The following NEK7 variants were observed in gnomAD, a reference collection of about 807,000 sequenced individuals.
NEK7 encodes NIMA related kinase 7.
Under a neutral mutation model 44.6 loss-of-function variants are expected in NEK7, and 18 were observed. The observed-to-expected ratio is 0.40, with a 90% CI of 0.28 to 0.60. The LOEUF (loss-of-function observed/expected upper bound fraction) is 0.60, where lower values mean the gene tolerates loss of function less well. Ranked by LOEUF, NEK7 falls within the 20% of genes least tolerant of loss-of-function variation. The pLI is 0.38. For missense variants in NEK7, 256 were observed against 366.5 expected (o/e 0.70, Z 2.46); for synonymous variants, 130 against 121.1 (o/e 1.07, Z -0.48).
At position 198,257,308 on chromosome 1, in the gene NEK7, T is replaced by C. The variant is rs115349340; in HGVS notation, c.198+4128T>C. On this transcript the variant is annotated intron_variant, in intron 3 of 9. Transcript: ENST00000367385. Reference sequence around the variant, plus strand: ...AATGCTTACCTTTTATTTACTTATGTTTGTTAGTTGCTTTAAAGTATTTTT... The same window carrying C: ...AATGCTTACCTTTTATTTACTTATGCTTGTTAGTTGCTTTAAAGTATTTTT... 3.9e-3 allele frequency among the ~76,000 whole-genome samples: 601 copies of C among 152,322 alleles called. 3 individuals are homozygous for C. Among genetic ancestry groups the C allele is most frequent in the African/African-American group, 0.01 (426 of 41,588 alleles).
chr1:198,213,648 G>A (rs1407758885), intron 1 of NEK7, among the ~76,000 whole-genome samples: 1 of 152,154 alleles, frequency 6.6e-6, no homozygotes, highest in African/African-American at 2.4e-5. Context: ...GATCTCAATA[G>A]CCAGAATACT....
intron 1 of NEK7, among the ~76,000 whole-genome samples, chr1:198,228,578 C>A (rs1209469611): frequency 1.3e-5 from 2 of 151,822 alleles, no homozygotes; most frequent in African/African-American, 4.9e-5. Flanking sequence ...TGAAGAGGTC[C>A]TTCACGTCCC....
chr1:198,264,006 A>G, intron 4 of NEK7, 119 bp from the exon 5 acceptor site: 1 of 1,003,570 alleles, frequency 1.0e-6, no homozygotes, highest in Non-Finnish European at 1.4e-6. Context: ...GTATACTGTC[A>G]TGTTAAGATT....
chr1:198,268,060 C>G (rs767531396), intron 5 of NEK7, among the ~76,000 whole-genome samples: 1 of 151,912 alleles, frequency 6.6e-6, no homozygotes, highest in Non-Finnish European at 1.5e-5. Context: ...TTCTTCCTAC[C>G]TCTCTGGAGA....
In NEK7 at chr1:198,316,564, C is replaced by T. The variant is rs114243024; in HGVS notation, c.799-2848C>T. The stretch of plus-strand genomic sequence containing the variant: ...CACTTAATCTTTTACCTTTATCTCA[C>T]AGATATCTCTTGAGATACCTATCAC... On this transcript the variant is annotated intron_variant, in intron 9 of 9. Coordinates refer to ENST00000367385, the MANE Select transcript of NEK7 (RefSeq NM_133494.3). 3.8e-3 allele frequency among the ~76,000 whole-genome samples: 582 copies of T among 152,334 alleles called. 3 individuals are homozygous for T. The highest frequency in any genetic ancestry group is 0.014 in the Middle Eastern group (4 of 294).
intron 8 of NEK7, among the ~76,000 whole-genome samples, chr1:198,293,843 A>C (rs1393368068): frequency 6.6e-6 from 1 of 152,010 alleles, no homozygotes; most frequent in South Asian, 2.1e-4. Flanking sequence ...AATACATGGA[A>C]GCATTTTCAT....
At position 198,159,313 on chromosome 1, in the gene NEK7, G is replaced by A. The variant is rs1212834282; in HGVS notation, c.-29+2037G>A. Among the ~76,000 whole-genome samples, 3 of 152,122 alleles carry A rather than the reference G, an allele frequency of 2.0e-5. No individual in the cohort carries two copies. The East Asian group carries it at 5.8e-4, about 29-fold the overall frequency. On this transcript the variant is annotated intron_variant, in intron 1 of 9. Coordinates refer to ENST00000367385, the MANE Select transcript of NEK7 (RefSeq NM_133494.3). ...CTGGAGAAAGAAAGAAAGGAAGGAA[G>A]GAAGGAAGGAGGAGGGGGGCTTCAG...
intron 9 of NEK7, among the ~76,000 whole-genome samples, chr1:198,307,123 T>C (rs74551444): frequency 0.013 from 1,950 of 152,228 alleles, 36 homozygotes; most frequent in African/African-American, 0.044. Context: ...CATTTAGTTA[T>C]TGCTTCCTTT....
intron 3 of NEK7, among the ~76,000 whole-genome samples, chr1:198,258,211 C>T (rs530965031): frequency 7.2e-5 from 11 of 152,224 alleles, no homozygotes; most frequent in East Asian, 1.9e-4. Context: ...GAGGCTGAGG[C>T]GGGCAGATGA....
At chr1:198,260,415 CT>C (rs796568794) in intron 3 of NEK7, among the ~76,000 whole-genome samples, 396 of 142,492 alleles carry the variant, frequency 2.8e-3, no homozygotes, top group Admixed American at 2.9e-3. Flanking sequence ...TAGTCCTTTC[CT>C]TTTTTTTTTT....
At chr1:198,262,681 A>G (rs1282596391) in intron 4 of NEK7, 44 bp downstream of exon 4, 16 of 1,184,294 alleles carry the variant, frequency 1.4e-5, no homozygotes, top group Non-Finnish European at 1.8e-5. Flanking sequence ...ACATGGTGAT[A>G]AAAGTGATTT....
rs1263569178 is a variant in NEK7 at position 198,194,564 on chromosome 1, G to A, written c.-29+37288G>A. Among the ~76,000 whole-genome samples the A allele has an allele frequency of 5.3e-5, 8 of 151,894 alleles. No homozygotes were observed. In the East Asian group the frequency reaches 1.5e-3, roughly 29 times the overall value. On this transcript the variant is annotated intron_variant, in intron 1 of 9. Coordinates refer to ENST00000367385, the MANE Select transcript of NEK7 (RefSeq NM_133494.3). ...GTCCCACTTATAGGGGAGAACAAGT[G>A]GTATTTGGTTTTCTGTTCCTGAATC... is the stretch of plus-strand genomic sequence containing the variant.
At chr1:198,292,611 A>T (rs116642565) in intron 7 of NEK7, among the ~76,000 whole-genome samples, 3,792 of 151,940 alleles carry the variant, frequency 0.025, 75 homozygotes, top group African/African-American at 0.047. Context: ...ATATTTTTTT[A>T]AAAAAATAAA....
intron 9 of NEK7, among the ~76,000 whole-genome samples, chr1:198,314,976 C>T (rs61831679): frequency 3.0e-4 from 46 of 152,352 alleles, no homozygotes; most frequent in African/African-American, 4.3e-4. Context: ...TGGTGCTTCC[C>T]GGCTGCTTTG....
At position 198,223,739 on chromosome 1, in the gene NEK7, AC is replaced by A. The variant is rs374169727; in HGVS notation, c.-28-8812del. On this transcript the variant is annotated intron_variant, in intron 1 of 9. Transcript: ENST00000367385. Reference sequence around the variant, plus strand: ...AAAGTAAAAATTAGAGTTTTGGGAAACCTGTATTCATCAGTATGACCTTGAC... The same window carrying A: ...AAAGTAAAAATTAGAGTTTTGGGAAACTGTATTCATCAGTATGACCTTGAC... Among the ~76,000 whole-genome samples, 275 of 152,272 alleles carry A rather than the reference AC, an allele frequency of 1.8e-3. 2 individuals are homozygous for A. Among genetic ancestry groups the A allele is most frequent in the African/African-American group, 6.3e-3 (263 of 41,576 alleles).
intron 2 of NEK7, 53 bp downstream of exon 2, chr1:198,232,690 T>C: frequency 9.5e-7 from 1 of 1,050,564 alleles, no homozygotes; most frequent in Non-Finnish European, 1.5e-6. Flanking sequence ...GTGTTAAATA[T>C]GTGTAAGAAA....
intron 7 of NEK7, among the ~76,000 whole-genome samples, chr1:198,283,812 A>G (rs910747662): frequency 6.6e-6 from 1 of 152,054 alleles, no homozygotes; most frequent in Non-Finnish European, 1.5e-5. Context: ...TGTCTGTTCT[A>G]TGTTATTTCA....
Position 198,278,919 on chromosome 1 carries a change from A to G in NEK7, c.482-35A>G, listed in dbSNP as rs76534638. 11,157 of 1,125,604 alleles carry G rather than the reference A, an allele frequency of 9.9e-3. 844 individuals carry two copies. In the African/African-American group the frequency reaches 0.16, roughly 16 times the overall value. The allele number at this position is 1,125,604 out of a possible 1,614,324, so 69.7% of individuals were successfully genotyped here. The stretch of plus-strand genomic sequence containing the variant: ...TTCCTTTAAAATTTCTAAAATGTCT[A>G]TCATCTTTTACCTGATCCCTTCATT... On this transcript the variant is annotated intron_variant, in intron 6 of 9. Transcript: ENST00000367385.
rs375323464 is a variant in NEK7, at chr1:198,241,822, T to C, written c.57+9185T>C. Among the ~76,000 whole-genome samples, 10 of 152,220 alleles carry C rather than the reference T, an allele frequency of 6.6e-5. No individual in the cohort carries two copies. In the East Asian group the frequency reaches 1.9e-3, roughly 29 times the overall value. On this transcript the variant is annotated intron_variant, in intron 2 of 9. Coordinates refer to ENST00000367385, the MANE Select transcript of NEK7 (RefSeq NM_133494.3). Reference sequence around the variant, plus strand: ...AGTTGATATGGAGCTTTCAGTATGATGCTTGACACATAGTTAGCATTCATT... The same window carrying C: ...AGTTGATATGGAGCTTTCAGTATGACGCTTGACACATAGTTAGCATTCATT...
Sources: allele counts gnomAD v4.1 joint callset (sites outside exome capture counted in the v4.1 genomes callset), GRCh38; gene constraint gnomAD v4.1.1; transcripts MANE v1.5; gene names NCBI Gene and HGNC (gene_info 2026-07-23, HGNC 2026-07-21).